Variants in PHYKPL observed in about 807,000 individuals in gnomAD.
PHYKPL encodes the protein 5-phosphonooxy-L-lysine phospho-lyase.
Under a neutral mutation model 51.3 loss-of-function variants are expected in PHYKPL, and 42 were observed. That is an observed-to-expected ratio of 0.82 (90% CI 0.64 to 1.06). The LOEUF (loss-of-function observed/expected upper bound fraction) is 1.06, where lower values mean the gene tolerates loss of function less well. PHYKPL is among the 50% of genes least tolerant of loss of function. The pLI is 0.00. For synonymous variants in PHYKPL, 264 were observed against 236.0 expected (o/e 1.12, Z -1.09); for missense variants, 655 against 586.6 (o/e 1.12, Z -1.20).
At chr5:178,227,604 T>C (rs768354040) in intron 3 of PHYKPL, among the ~76,000 whole-genome samples, 2 of 151,518 alleles carry the variant, frequency 1.3e-5, no homozygotes, top group African/African-American at 2.4e-5. Context: ...GAGGGCAGGG[T>C]AGGAGAGGAA....
chr5:178,217,572 AAGTC>A lies in PHYKPL; in HGVS notation c.928-2146_928-2143del, dbSNP rs1159906351. On this transcript the variant is annotated intron_variant, in intron 8 of 12. Coordinates refer to ENST00000308158, the MANE Select transcript of PHYKPL (RefSeq NM_153373.4). ...AAAGAATCAGTGAAAAAAAAAAAAA[AAGTC>A]AGCCGGCCGCGGTGACTCACACCTG... Among the ~76,000 whole-genome samples, 4 of 151,702 alleles carry A rather than the reference AAGTC, an allele frequency of 2.6e-5. No homozygotes were observed. The East Asian group carries it at 7.8e-4, about 29-fold the overall frequency.
At chr5:178,210,051 C>T (rs372712452) in intron 12 of PHYKPL, 35 of 1,569,826 alleles carry the variant, frequency 2.2e-5, no homozygotes, top group Middle Eastern at 3.4e-4. Flanking sequence ...CCCTGCCACC[C>T]CAAAGGGCAG....
chr5:178,224,003 G>A, intron 6 of PHYKPL: 2 of 181,292 alleles, frequency 1.1e-5, no homozygotes, highest in Admixed American at 5.6e-5. Flanking sequence ...TTAAGACTCT[G>A]GTGGTTCCCG....
intron 2 of PHYKPL, chr5:178,230,910 C>T (rs1379586094): frequency 6.4e-6 from 1 of 156,118 alleles, no homozygotes; most frequent in East Asian, 1.9e-4. Context: ...CAGTCTAAGA[C>T]TAGAGTCTCT....
intron 9 of PHYKPL, 104 bp from the exon 10 acceptor site, chr5:178,214,989 C>A: frequency 9.9e-7 from 1 of 1,012,504 alleles, no homozygotes; most frequent in South Asian, 1.4e-5. Context: ...GGGCTGAGTG[C>A]AGGAGGCACC....
rs1000620055 is a variant in PHYKPL at position 178,232,453 on chromosome 5, AGCCCCGCGCCCCCC to A, written c.59+25_59+38del. ...CGTGCGTGCGCGTGCCTCTCCGCGC[AGCCCCGCGCCCCCC>A]GCCGCCCGCCCCCCGCCCGGGTACC... is the stretch of plus-strand genomic sequence containing the variant. On this transcript the variant is annotated intron_variant, in intron 1 of 12. Transcript: ENST00000308158. 1.2e-5 allele frequency: 17 copies of A among 1,377,100 alleles called. 1 individual carries two copies. Among genetic ancestry groups the A allele is most frequent in the African/African-American group, 6.1e-5 (4 of 65,470 alleles). 85.3% of individuals were successfully genotyped at this position (1,377,100 alleles called of 1,614,324 possible).
At chr5:178,209,065 T>A (rs1400247025) in intron 12 of PHYKPL, 150 bp from the exon 13 acceptor site, 2 of 416,104 alleles carry the variant, frequency 4.8e-6, no homozygotes, top group Non-Finnish European at 8.9e-6. Context: ...CCCAGTTGCC[T>A]GCCTCCATTA....
intron 12 of PHYKPL, chr5:178,211,432 C>G (rs576403658): frequency 6.2e-6 from 1 of 160,658 alleles, no homozygotes; most frequent in South Asian, 1.8e-4. Flanking sequence ...CCTGGGACAC[C>G]TTGGAACACC....
At chr5:178,209,318 C>G (rs747332559) in intron 12 of PHYKPL, 1 of 1,612,752 alleles carries the variant, frequency 6.2e-7, no homozygotes, top group South Asian at 1.1e-5. Context: ...CCACTGTCCT[C>G]TTGACTTTTA....
intron 8 of PHYKPL, among the ~76,000 whole-genome samples, chr5:178,219,476 T>TG (rs1760665036): frequency 6.7e-6 from 1 of 149,564 alleles, no homozygotes; most frequent in Admixed American, 6.7e-5. Context: ...TTCTTTGAGA[T>TG]GGAGTCTCTG....
chr5:178,207,354 G>C (rs938784496), downstream of PHYKPL: 3 of 1,091,074 alleles, frequency 2.7e-6, no homozygotes, highest in South Asian at 3.1e-5. Flanking sequence ...TCTCTGAAGC[G>C]TATGCTGCCC....
chr5:178,224,672 G>A lies in PHYKPL; in HGVS notation c.471C>T (p.Asn157=). The A allele has an allele frequency of 6.2e-7, 1 of 1,614,250 alleles. No homozygotes were observed. Among genetic ancestry groups the A allele is most frequent in the Non-Finnish European group, 8.5e-7 (1 of 1,180,042 alleles). The part of the protein sequence containing the change: ...LIDISPYKFR[N]LDGQKEWVHV... ...GGACCCACTCCTTCTGGCCATCCAG[G>A]TTGCGGAACTTGTAGGGACTGATGT... Residue 157 remains asparagine (N), a synonymous_variant, in exon 5 of 13, where the codon AAC becomes AAT. Transcript: ENST00000308158.
rs1241568198 is a variant in PHYKPL, at chr5:178,222,578, T to C, written c.704A>G (p.His235Arg). 2 of 1,613,900 alleles carry C rather than the reference T, an allele frequency of 1.2e-6. No homozygotes were observed. Among genetic ancestry groups the C allele is most frequent in the East Asian group, 2.2e-5 (1 of 44,866 alleles). The change falls in exon 8 of 13, where the codon CAC becomes CGC. Residue 235 changes from histidine (H) to arginine (R), a missense_variant and splice_region_variant. Coordinates refer to ENST00000308158, the MANE Select transcript of PHYKPL (RefSeq NM_153373.4). The stretch of plus-strand genomic sequence containing the variant: ...AAAGACCCCTCCGGCCTTGCGGATG[T>C]GCCTGTGGCAGAGGAGATGACTGAC... ...PAGYFSQVAE[H>R]IRKAGGVFVA...
chr5:178,211,850 C>T lies in PHYKPL; in HGVS notation c.*31+40G>A, dbSNP rs766724732. ...TGCTTGCTGCTGATGGTAAGGAACCCGCTGTGCATCTTCAAGAGTAAGAAG... is the reference window on the plus strand; with the variant it reads ...TGCTTGCTGCTGATGGTAAGGAACCTGCTGTGCATCTTCAAGAGTAAGAAG... On this transcript the variant is annotated intron_variant, in intron 12 of 12. Coordinates refer to ENST00000308158, the MANE Select transcript of PHYKPL (RefSeq NM_153373.4). The T allele has an allele frequency of 9.2e-5, 135 of 1,472,066 alleles. 2 individuals carry two copies. The East Asian group carries it at 1.5e-3, about 16-fold the overall frequency. The allele number at this position is 1,472,066 out of a possible 1,614,324, so 91.2% of individuals were successfully genotyped here.
chr5:178,227,153 T>C (rs1337640731), intron 3 of PHYKPL, among the ~76,000 whole-genome samples: 1 of 147,446 alleles, frequency 6.8e-6, no homozygotes, highest in East Asian at 2.0e-4. Context: ...ATAAGAGAGG[T>C]GATTACATTA....
At chr5:178,232,204 G>C in intron 1 of PHYKPL, 1 of 1,254,550 alleles carries the variant, frequency 8.0e-7, no homozygotes, top group Middle Eastern at 3.2e-4. Context: ...AAGCGAGGCT[G>C]ACACAGCCGA....
intron 6 of PHYKPL, chr5:178,223,940 A>C (rs779641980): frequency 3.1e-5 from 6 of 196,286 alleles, no homozygotes; most frequent in Non-Finnish European, 2.1e-5. Context: ...CATCCTCCAC[A>C]TAGCCCTGGA....
At chr5:178,207,275 C>T (rs1433935277), downstream of PHYKPL, 16 of 1,605,730 alleles carry the variant, frequency 1.0e-5, no homozygotes, top group African/African-American at 1.3e-5. Context: ...GGAGAGCTGG[C>T]CCTTAGAGGG....
At position 178,225,072 on chromosome 5, in the gene PHYKPL, G is replaced by A. The variant is rs1390320144; in HGVS notation, c.413+283C>T. 7.1e-6 allele frequency: 4 copies of A among 566,602 alleles called. No homozygotes were observed. In the Admixed American group the frequency reaches 1.2e-4, roughly 17 times the overall value. The allele number at this position is 566,602 out of a possible 1,614,324, so 35.1% of individuals were successfully genotyped here. On this transcript the variant is annotated intron_variant, in intron 4 of 12. Coordinates refer to ENST00000308158, the MANE Select transcript of PHYKPL (RefSeq NM_153373.4). ...TGCACATCACATACTCAATTCATGG[G>A]AGCTACTGCTGGAGTAGTTTGAACA...
Sources: allele counts gnomAD v4.1 joint callset (sites outside exome capture counted in the v4.1 genomes callset), GRCh38; gene constraint gnomAD v4.1.1; transcripts MANE v1.5; gene names NCBI Gene and HGNC (gene_info 2026-07-23, HGNC 2026-07-21).